PDPN: variants seen among roughly 807,000 people sequenced by gnomAD.
PDPN encodes the protein PA2.26 antigen.
Under a neutral mutation model 23.2 loss-of-function variants are expected in PDPN, and 12 were observed. The observed-to-expected ratio is 0.52, with a 90% CI of 0.33 to 0.84. PDPN has a LOEUF of 0.84. Ranked by LOEUF, PDPN falls within the 40% of genes least tolerant of loss-of-function variation. The pLI, the probability that PDPN is intolerant of heterozygous loss-of-function variation, is 0.02. For missense variants in PDPN, 199 were observed against 212.2 expected, an observed-to-expected ratio of 0.94 and a Z score of 0.39; for synonymous variants, 77 against 76.7, an observed-to-expected ratio of 1.00 and a Z score of -0.02.
intron 3 of PDPN, among the ~76,000 whole-genome samples, chr1:13,611,048 C>T (rs557448175): frequency 2.6e-5 from 4 of 151,972 alleles, no homozygotes; most frequent in South Asian, 4.2e-4. Context: ...GGTGAAACCC[C>T]GTCTCTACTG....
At chr1:13,591,801 C>T (rs890232913) in intron 1 of PDPN, among the ~76,000 whole-genome samples, 1 of 152,228 alleles carries the variant, frequency 6.6e-6, no homozygotes, top group African/African-American at 2.4e-5. Context: ...CCGAAGCCAT[C>T]CTCCTGCTTC....
intron 1 of PDPN, among the ~76,000 whole-genome samples, chr1:13,586,520 C>T (rs935444811): frequency 6.6e-6 from 1 of 152,088 alleles, no homozygotes; most frequent in Non-Finnish European, 1.5e-5. Context: ...ACGCGAGTGA[C>T]TCTACACTGT....
chr1:13,593,698 A>G (rs1261025), intron 1 of PDPN, among the ~76,000 whole-genome samples: 64,208 of 151,948 alleles, frequency 0.42, 15,347 homozygotes, highest in East Asian at 0.66. Context: ...AAATCAGGGC[A>G]TGCTCAGCTG....
chr1:13,610,592 T>C (rs1640909062), intron 3 of PDPN, 76 bp downstream of exon 3: 1 of 1,481,310 alleles, frequency 6.8e-7, no homozygotes, highest in Non-Finnish European at 9.3e-7. Flanking sequence ...CATCAACAAA[T>C]AGAATAATCA....
intron 1 of PDPN, among the ~76,000 whole-genome samples, chr1:13,588,455 T>A (rs1278760930): frequency 6.6e-6 from 1 of 151,724 alleles, no homozygotes; most frequent in Non-Finnish European, 1.5e-5. Context: ...CAGCGAATAT[T>A]GTCCTGCCCC....
intron 5 of PDPN, 61 bp from the exon 6 acceptor site, chr1:13,615,844 C>G (rs547475112): frequency 1.4e-6 from 2 of 1,474,442 alleles, no homozygotes; most frequent in Non-Finnish European, 1.9e-6. Context: ...AAAGGACTCA[C>G]GGAGTTACTA....
Position 13,592,903 on chromosome 1 carries a change from A to G in PDPN, c.67+8803A>G, listed in dbSNP as rs1034387610. The stretch of plus-strand genomic sequence containing the variant: ...ATCTTGGCACCTCTGTCAAAAATCA[A>G]TTACCCATAAATGTATAGGTTTAAT... On this transcript the variant is annotated intron_variant, in intron 1 of 5. Coordinates refer to ENST00000621990, the MANE Select transcript of PDPN (RefSeq NM_006474.5). Among the ~76,000 whole-genome samples, 5 of 152,316 alleles carry G rather than the reference A, an allele frequency of 3.3e-5. No individual in the cohort carries two copies. In the East Asian group the frequency reaches 5.8e-4, roughly 18 times the overall value.
chr1:13,585,498 T>G, intron 1 of PDPN: 2 of 1,346,088 alleles, frequency 1.5e-6, no homozygotes, highest in Non-Finnish European at 2.0e-6. Context: ...CACCGTTTTG[T>G]GCTCACCAGG....
At chr1:13,598,649 C>T (rs1557541860) in intron 1 of PDPN, among the ~76,000 whole-genome samples, 1 of 152,004 alleles carries the variant, frequency 6.6e-6, no homozygotes, top group Admixed American at 6.6e-5. Flanking sequence ...CGAACCACCG[C>T]TCCACACCTC....
chr1:13,614,423 GCT>G lies in PDPN; in HGVS notation c.482+13_482+14del. On this transcript the variant is annotated intron_variant, in intron 5 of 5. Coordinates refer to ENST00000621990, the MANE Select transcript of PDPN (RefSeq NM_006474.5). ...TCGGGAAGGTACTCGTAAGTAAATAGCTTACACCCATGTGATAGGCAAATGAA... is the reference window on the plus strand; with the variant it reads ...TCGGGAAGGTACTCGTAAGTAAATAGTACACCCATGTGATAGGCAAATGAA... 7.8e-7 allele frequency: 1 copy of G among 1,275,314 alleles called. No individual in the cohort carries two copies. Among genetic ancestry groups the G allele is most frequent in the Non-Finnish European group, 1.1e-6 (1 of 873,798 alleles). The allele number at this position is 1,275,314 out of a possible 1,614,324, so 79.0% of individuals were successfully genotyped here. A position where few individuals can be genotyped will look rare whatever the true frequency, so the allele number is the denominator to read the frequency against.
intron 2 of PDPN, among the ~76,000 whole-genome samples, 173 bp downstream of exon 2, chr1:13,607,479 ATGT>A (rs1199561008): frequency 6.6e-6 from 1 of 152,248 alleles, no homozygotes. Flanking sequence ...TCCTCACTTA[ATGT>A]TGTTGATAGG....
At chr1:13,595,781 T>G in intron 1 of PDPN, 1 of 937,886 alleles carries the variant, frequency 1.1e-6, no homozygotes, top group Non-Finnish European at 1.5e-6. Flanking sequence ...AGTTCCCCTT[T>G]GCAGGTGCCG....
At chr1:13,595,812 T>A in intron 1 of PDPN, 1 of 1,227,572 alleles carries the variant, frequency 8.1e-7, no homozygotes, top group Non-Finnish European at 1.1e-6. Context: ...AGCTATGCCG[T>A]CTCTTTCATT....
At chr1:13,613,648 C>A (rs1174643970) in intron 3 of PDPN, 39 bp from the exon 4 acceptor site, 10 of 991,270 alleles carry the variant, frequency 1.0e-5, no homozygotes, top group Admixed American at 1.8e-5. Flanking sequence ...AGTTATTAAA[C>A]CCTAATAATT....
rs533213342 is a variant in PDPN, at chr1:13,588,928, G to A, written c.67+4828G>A. On this transcript the variant is annotated intron_variant, in intron 1 of 5. Transcript: ENST00000621990. ...CCTGAGCCTGCCTTGGCCTCCCAGA[G>A]GGCTGGGATTACAGGTGTGAGCCAC... 1.6e-4 allele frequency among the ~76,000 whole-genome samples: 18 copies of A among 111,982 alleles called. No individual in the cohort carries two copies. The East Asian group carries it at 3.8e-3, about 23-fold the overall frequency. The allele number at this position is 111,982 out of a possible 152,430, so 73.5% of individuals were successfully genotyped here. A position where few individuals can be genotyped will look rare whatever the true frequency, so the allele number is the denominator to read the frequency against.
intron 1 of PDPN, among the ~76,000 whole-genome samples, chr1:13,592,235 T>C (rs1036086982): frequency 2.6e-5 from 4 of 152,260 alleles, no homozygotes; most frequent in African/African-American, 9.6e-5. Context: ...ATATATGAAT[T>C]GCAGACTTTT....
chr1:13,586,966 G>A (rs371461371), intron 1 of PDPN, among the ~76,000 whole-genome samples: 3 of 152,140 alleles, frequency 2.0e-5, no homozygotes, highest in African/African-American at 4.8e-5. Context: ...CGGAAGAATC[G>A]CTTGAACTCG....
At chr1:13,603,157 C>T (rs1191855297) in intron 1 of PDPN, among the ~76,000 whole-genome samples, 4 of 152,156 alleles carry the variant, frequency 2.6e-5, no homozygotes, top group South Asian at 2.1e-4. Context: ...CCAAGGCAGG[C>T]GGATCACCTG....
At chr1:13,609,926 T>G (rs1295752354) in intron 2 of PDPN, among the ~76,000 whole-genome samples, 1 of 151,990 alleles carries the variant, frequency 6.6e-6, no homozygotes, top group Non-Finnish European at 1.5e-5. Context: ...TAGCTGGGTG[T>G]GGTGGCGGGC....
Sources: gnomAD v4.1 joint callset for allele counts (sites outside exome capture counted in the v4.1 genomes callset) on GRCh38, gnomAD v4.1.1 for gene constraint, MANE v1.5 for transcripts, NCBI Gene and HGNC (gene_info 2026-07-23, HGNC 2026-07-21) for gene names.